Variants in GSTCD observed in about 807,000 individuals in gnomAD.
GSTCD encodes glutathione S-transferase C-terminal domain containing.
In GSTCD, 44 loss-of-function variants were observed where a neutral mutation model predicts 68.3. That is an observed-to-expected ratio of 0.64 (90% CI 0.51 to 0.83). The LOEUF is 0.83. GSTCD is among the 40% of genes least tolerant of loss of function. The pLI is 0.00. For missense variants in GSTCD, 739 were observed against 735.9 expected, an observed-to-expected ratio of 1.00 and a Z score of -0.05; for synonymous variants, 273 against 255.2, an observed-to-expected ratio of 1.07 and a Z score of -0.67.
intron 5 of GSTCD, among the ~76,000 whole-genome samples, chr4:105,782,364 G>A (rs1735306275): frequency 1.3e-5 from 2 of 152,022 alleles, no homozygotes; most frequent in Non-Finnish European, 2.9e-5. Context: ...CAAGCATGGT[G>A]TGCGCACCTC....
intron 5 of GSTCD, among the ~76,000 whole-genome samples, chr4:105,775,383 G>A (rs980635066): frequency 1.3e-5 from 2 of 152,016 alleles, no homozygotes; most frequent in African/African-American, 4.8e-5. Flanking sequence ...ATCCAGTTTT[G>A]TTCCCTTGCT....
intron 5 of GSTCD, among the ~76,000 whole-genome samples, chr4:105,735,922 C>T (rs940666617): frequency 6.6e-6 from 1 of 152,052 alleles, no homozygotes; most frequent in East Asian, 1.9e-4. Context: ...ATCACAATGC[C>T]ATTATCATAC....
intron 5 of GSTCD, among the ~76,000 whole-genome samples, chr4:105,786,353 G>C (rs1278483287): frequency 6.6e-6 from 1 of 151,766 alleles, no homozygotes; most frequent in Admixed American, 6.6e-5. Flanking sequence ...TCTACTAAAA[G>C]TACAAAAAAT....
chr4:105,821,124 CTT>C (rs906840419), intron 5 of GSTCD: 15 of 151,906 alleles, frequency 9.9e-5, no homozygotes, highest in African/African-American at 3.1e-4. Context: ...TCAAAGTACT[CTT>C]CTTTTTGCCT....
intron 5 of GSTCD, among the ~76,000 whole-genome samples, chr4:105,750,197 C>T (rs1320847273): frequency 6.6e-6 from 1 of 152,090 alleles, no homozygotes; most frequent in Non-Finnish European, 1.5e-5. Context: ...GGCGTGGTGG[C>T]TCACGCCTGT....
At position 105,845,453 on chromosome 4, in the gene GSTCD, T is replaced by G; in HGVS notation, c.1778T>G (p.Met593Arg). 6.2e-7 allele frequency: 1 copy of G among 1,614,154 alleles called. No homozygotes were observed. Among genetic ancestry groups the G allele is most frequent in the Non-Finnish European group, 8.5e-7 (1 of 1,180,004 alleles). ...PQRRLIGKQC[M>R]CLVDLDRARA... ...GACTGTGTTTCAGGAAAACAGTGCA[T>G]GTGCTTGGTGGATCTGGATCGAGCA... is the stretch of plus-strand genomic sequence containing the variant. Residue 593 changes from methionine to arginine, a missense_variant, in exon 12 of 12, where the codon ATG becomes AGG. Transcript: ENST00000515279.
At chr4:105,802,339 A>C (rs1238557913) in intron 5 of GSTCD, among the ~76,000 whole-genome samples, 2 of 152,054 alleles carry the variant, frequency 1.3e-5, no homozygotes, top group African/African-American at 2.4e-5. Context: ...ATCTGAGGCC[A>C]GCCTCTTTTC....
chr4:105,818,705 C>T (rs777523478), intron 5 of GSTCD, among the ~76,000 whole-genome samples: 139 of 151,576 alleles, frequency 9.2e-4, no homozygotes, highest in Non-Finnish European at 1.6e-3. Flanking sequence ...AACAACGAGA[C>T]AGAATGTGGT....
intron 5 of GSTCD, among the ~76,000 whole-genome samples, chr4:105,783,930 G>A (rs565485756): frequency 2.0e-5 from 3 of 152,306 alleles, no homozygotes; most frequent in Admixed American, 2.0e-4. Context: ...ATCAATTTGA[G>A]TTTGTCTGAT....
intron 5 of GSTCD, among the ~76,000 whole-genome samples, chr4:105,755,537 A>C (rs1249060689): frequency 6.6e-6 from 1 of 152,190 alleles, no homozygotes; most frequent in Non-Finnish European, 1.5e-5. Flanking sequence ...ATTTCCCCAC[A>C]CATAAGAAAT....
intron 5 of GSTCD, among the ~76,000 whole-genome samples, chr4:105,767,940 T>C (rs1043294648): frequency 6.6e-6 from 1 of 152,048 alleles, no homozygotes; most frequent in African/African-American, 2.4e-5. Context: ...GTGTTTTTTT[T>C]CATGAAAGAA....
At chr4:105,719,657 T>C in intron 3 of GSTCD, 130 bp downstream of exon 3, 1 of 678,892 alleles carries the variant, frequency 1.5e-6, no homozygotes, top group East Asian at 2.7e-5. Flanking sequence ...TTCTCCATTT[T>C]CTTATCTGTA....
chr4:105,742,054 C>G (rs1252458675), intron 5 of GSTCD, among the ~76,000 whole-genome samples: 1 of 152,128 alleles, frequency 6.6e-6, no homozygotes, highest in Non-Finnish European at 1.5e-5. Context: ...TTTATTGGTA[C>G]TTGGTTCATT....
chr4:105,737,455 T>G (rs1477003198), intron 5 of GSTCD, among the ~76,000 whole-genome samples: 1 of 152,216 alleles, frequency 6.6e-6, no homozygotes, highest in Non-Finnish European at 1.5e-5. Flanking sequence ...TGTTGATTGT[T>G]TCCTTTGCTG....
In GSTCD at chr4:105,790,223, G is replaced by A. The variant is rs527406707; in HGVS notation, c.1241-32731G>A. ...CACCTTGATCTGGATTTGTTAGTTGGATGCTTCTACAATAAACTCATATTT... is the reference window on the plus strand; with the variant it reads ...CACCTTGATCTGGATTTGTTAGTTGAATGCTTCTACAATAAACTCATATTT... On this transcript the variant is annotated intron_variant, in intron 5 of 11. Transcript: ENST00000515279. 5.5e-4 allele frequency among the ~76,000 whole-genome samples: 84 copies of A among 152,134 alleles called. No individual in the cohort carries two copies. The South Asian group carries it at 0.017, about 30-fold the overall frequency.
chr4:105,843,797 C>A (rs1349385230), intron 11 of GSTCD, among the ~76,000 whole-genome samples: 2 of 147,716 alleles, frequency 1.4e-5, no homozygotes, highest in East Asian at 4.0e-4. Flanking sequence ...GATAGCAATC[C>A]AATGAAGACA....
At chr4:105,712,645 T>A (rs1294715833) in intron 1 of GSTCD, 1 of 152,226 alleles carries the variant, frequency 6.6e-6, no homozygotes, top group African/African-American at 2.4e-5. Flanking sequence ...CAGTAGTCCT[T>A]GTAAGCACTG....
chr4:105,825,561 C>A (rs1578513763), intron 7 of GSTCD, 111 bp from the exon 8 acceptor site: 1 of 601,662 alleles, frequency 1.7e-6, no homozygotes, highest in Non-Finnish European at 2.9e-6. Context: ...AGAATAGAGG[C>A]TCAATATAAT....
chr4:105,795,971 C>A (rs1735870189), intron 5 of GSTCD, among the ~76,000 whole-genome samples: 1 of 152,154 alleles, frequency 6.6e-6, no homozygotes, highest in South Asian at 2.1e-4. Context: ...AATATTTTAG[C>A]CTTGAGTTCT....
Sources: gnomAD v4.1 joint callset for allele counts (sites outside exome capture counted in the v4.1 genomes callset) on GRCh38, gnomAD v4.1.1 for gene constraint, MANE v1.5 for transcripts, NCBI Gene and HGNC (gene_info 2026-07-23, HGNC 2026-07-21) for gene names.